PDE6C: variants seen among roughly 807,000 people sequenced by gnomAD.
PDE6C encodes cone cGMP-specific 3',5'-cyclic phosphodiesterase subunit alpha'.
Under a neutral mutation model 113.1 loss-of-function variants are expected in PDE6C, and 75 were observed. The observed-to-expected ratio is 0.66, with a 90% confidence interval of 0.55 to 0.80. The LOEUF is 0.80. Ranked by LOEUF, PDE6C falls within the 30% of genes least tolerant of loss-of-function variation. The pLI is 0.00. For synonymous variants in PDE6C, 375 were observed against 363.7 expected (o/e 1.03, Z -0.35); for missense variants, 912 against 1,038.6 (o/e 0.88, Z 1.67).
rs762424340 is a variant in PDE6C, at chr10:93,634,919, A to T, written c.1269+12A>T. ...AATACATTACCGAGGCAAGTGCAAT[A>T]ATAAGATAATGGAAGTCAATGCAAT... On this transcript the variant is annotated intron_variant, in intron 9 of 21. Coordinates refer to ENST00000371447, the MANE Select transcript of PDE6C (RefSeq NM_006204.4). 5.0e-6 allele frequency: 8 copies of T among 1,613,634 alleles called. No homozygotes were observed. Among genetic ancestry groups the T allele is most frequent in the Non-Finnish European group, 6.8e-6 (8 of 1,179,618 alleles).
chr10:93,637,670 CTG>C lies in PDE6C; in HGVS notation c.1482+611_1482+612del, dbSNP rs370873396. On this transcript the variant is annotated intron_variant, in intron 11 of 21. Coordinates refer to ENST00000371447, the MANE Select transcript of PDE6C (RefSeq NM_006204.4). ...TAATTCTTTTGTTAAGATTCTAACT[CTG>C]TGTTAAAACTTTTCATCATTTGATC... Among the ~76,000 whole-genome samples the C allele has an allele frequency of 6.6e-5, 10 of 152,274 alleles. 1 individual carries two copies. The highest frequency in any genetic ancestry group is 2.4e-4 in the African/African-American group (10 of 41,556).
At chr10:93,650,853 A>G (rs2058606484) in intron 15 of PDE6C, among the ~76,000 whole-genome samples, 4 of 151,544 alleles carry the variant, frequency 2.6e-5, no homozygotes, top group South Asian at 4.2e-4. Context: ...AGGAATTGGT[A>G]TACTTTTTCC....
In PDE6C at chr10:93,634,929, T is replaced by C. The variant is rs201268183; in HGVS notation, c.1269+22T>C. ...CGAGGCAAGTGCAATAATAAGATAA[T>C]GGAAGTCAATGCAATTCACAAAATA... On this transcript the variant is annotated intron_variant, in intron 9 of 21. Coordinates refer to ENST00000371447, the MANE Select transcript of PDE6C (RefSeq NM_006204.4). The C allele has an allele frequency of 8.1e-5, 131 of 1,612,778 alleles. No individual in the cohort carries two copies. In the East Asian group the frequency reaches 2.7e-3, roughly 34 times the overall value.
At chr10:93,636,407 T>TGTGTGTGTGTGTGTG (rs2058531353) in intron 10 of PDE6C, among the ~76,000 whole-genome samples, 1 of 148,302 alleles carries the variant, frequency 6.7e-6, no homozygotes, top group Non-Finnish European at 1.5e-5. Flanking sequence ...TGTGTGTGTG[T>TGTGTGTGTGTGTGTG]AGTTTTGCTG....
chr10:93,637,638 G>T (rs1486062024), intron 11 of PDE6C, among the ~76,000 whole-genome samples: 3 of 152,110 alleles, frequency 2.0e-5, no homozygotes, highest in African/African-American at 2.4e-5. Context: ...GTTCTAGAAG[G>T]TACATTTAAT....
chr10:93,653,661 AAAAC>A (rs1309800742), intron 15 of PDE6C, among the ~76,000 whole-genome samples: 1 of 152,050 alleles, frequency 6.6e-6, no homozygotes, highest in Non-Finnish European at 1.5e-5. Context: ...AACAAAAACA[AAAAC>A]AAAAACAAAA....
chr10:93,614,377 G>C (rs1338572551), intron 1 of PDE6C, among the ~76,000 whole-genome samples: 1 of 152,092 alleles, frequency 6.6e-6, no homozygotes, highest in African/African-American at 2.4e-5. Flanking sequence ...GTTACCATGG[G>C]GCCTGGTAGG....
At chr10:93,619,495 T>C (rs55679498) in intron 1 of PDE6C, among the ~76,000 whole-genome samples, 4,110 of 152,258 alleles carry the variant, frequency 0.027, 70 homozygotes, top group Middle Eastern at 0.044. Flanking sequence ...GGCGCGATCT[T>C]GGCTTACTGC....
chr10:93,647,573 GCAAAGCACTAACCT>G (rs1182156937), intron 15 of PDE6C, among the ~76,000 whole-genome samples: 3 of 152,162 alleles, frequency 2.0e-5, no homozygotes. Flanking sequence ...TATGCTCTTG[GCAAAGCACTAACCT>G]CATATAAGTC....
intron 14 of PDE6C, among the ~76,000 whole-genome samples, chr10:93,641,467 T>G (rs1000771216): frequency 2.6e-5 from 4 of 151,956 alleles, no homozygotes; most frequent in Non-Finnish European, 5.9e-5. Flanking sequence ...CTGTCTCTAC[T>G]AAAAGTACAA....
Position 93,662,176 on chromosome 10 carries a change from C to T in PDE6C, c.2283+43C>T, listed in dbSNP as rs769428572. ...AAATGTATTACTTATTAAAAGTTAT[C>T]AGGACAGGCCGGGCGCGGTGGCTCA... On this transcript the variant is annotated intron_variant, in intron 19 of 21. Coordinates refer to ENST00000371447, the MANE Select transcript of PDE6C (RefSeq NM_006204.4). 8 of 1,325,206 alleles carry T rather than the reference C, an allele frequency of 6.0e-6. No individual in the cohort carries two copies. The Admixed American group carries it at 8.4e-5, about 14-fold the overall frequency. The allele number at this position is 1,325,206 out of a possible 1,614,324, so 82.1% of individuals were successfully genotyped here.
At chr10:93,633,587 A>T (rs981726449) in intron 8 of PDE6C, among the ~76,000 whole-genome samples, 1 of 152,104 alleles carries the variant, frequency 6.6e-6, no homozygotes, top group Non-Finnish European at 1.5e-5. Context: ...ACTAGACCCT[A>T]AGCATCTTGA....
intron 5 of PDE6C, among the ~76,000 whole-genome samples, chr10:93,626,378 C>G (rs2058473019): frequency 6.6e-6 from 1 of 152,168 alleles, no homozygotes; most frequent in South Asian, 2.1e-4. Context: ...CCCCCCCACC[C>G]CAAAAGCTGT....
intron 11 of PDE6C, among the ~76,000 whole-genome samples, chr10:93,639,274 TGG>T: frequency 6.6e-6 from 1 of 152,092 alleles, no homozygotes; most frequent in Non-Finnish European, 1.5e-5. Flanking sequence ...CATGGAGCAC[TGG>T]CCATACTCTC....
chr10:93,664,498 G>C (rs2058681134), intron 21 of PDE6C, among the ~76,000 whole-genome samples: 2 of 152,150 alleles, frequency 1.3e-5, no homozygotes, highest in African/African-American at 4.8e-5. Context: ...AATGTTCATG[G>C]GTCATTTGAG....
intron 15 of PDE6C, among the ~76,000 whole-genome samples, chr10:93,648,971 T>C (rs2133871403): frequency 6.6e-6 from 1 of 152,084 alleles, no homozygotes; most frequent in Non-Finnish European, 1.5e-5. Context: ...GGCAAGAACA[T>C]GTTGGCAATA....
intron 18 of PDE6C, among the ~76,000 whole-genome samples, chr10:93,660,349 G>C (rs2058660529): frequency 2.6e-5 from 4 of 152,184 alleles, no homozygotes. Context: ...GATAGTCATG[G>C]AGAAATAGAA....
intron 18 of PDE6C, among the ~76,000 whole-genome samples, chr10:93,661,469 A>G (rs779145088): frequency 1.3e-5 from 2 of 152,140 alleles, no homozygotes; most frequent in Non-Finnish European, 2.9e-5. Context: ...AGCACTTACC[A>G]CACTGTATAC....
In PDE6C at chr10:93,620,903, T is replaced by C; in HGVS notation, c.646T>C (p.Tyr216His). Residue 216 changes from tyrosine to histidine, a missense_variant, in exon 3 of 22, where the codon TAC becomes CAC. Coordinates refer to ENST00000371447, the MANE Select transcript of PDE6C (RefSeq NM_006204.4). ...SKQDEEVFSKYLNFVSIILRL... is the reference protein window; with the variant it reads ...SKQDEEVFSKHLNFVSIILRL... ...CTGCCGTCTGTAGGTCTTTTCCAAA[T>C]ACCTCAACTTTGTGTCTATCATCCT... 2 of 1,613,638 alleles carry C rather than the reference T, an allele frequency of 1.2e-6. No homozygotes were observed. Among genetic ancestry groups the C allele is most frequent in the Non-Finnish European group, 1.7e-6 (2 of 1,179,524 alleles).
Sources: allele counts gnomAD v4.1 joint callset (sites outside exome capture counted in the v4.1 genomes callset), GRCh38; gene constraint gnomAD v4.1.1; transcripts MANE v1.5; gene names NCBI Gene and HGNC (gene_info 2026-07-23, HGNC 2026-07-21).